The following IQUB variants were observed in gnomAD, a reference collection of about 807,000 sequenced individuals.
IQUB encodes the protein IQ motif and ubiquitin domain containing, also known as IQ motif and ubiquitin-like domain-containing protein.
Under a neutral mutation model 86.4 loss-of-function variants are expected in IQUB, and 86 were observed. That is an observed-to-expected ratio of 1.00 (90% confidence interval 0.84 to 1.19). IQUB has a LOEUF of 1.19. IQUB is among the 50% of genes most tolerant of loss of function. The probability of loss-of-function intolerance (pLI) is 0.00; values close to 1 mark genes in which losing one functional copy is unlikely to be tolerated. For missense variants in IQUB, 946 were observed against 916.9 expected, an observed-to-expected ratio of 1.03 and a Z score of -0.41; for synonymous variants, 289 against 304.5, an observed-to-expected ratio of 0.95 and a Z score of 0.53.
chr7:123,522,652 T>C (rs1796959935), intron 1 of IQUB, among the ~76,000 whole-genome samples: 1 of 152,212 alleles, frequency 6.6e-6, no homozygotes, highest in African/African-American at 2.4e-5. Context: ...TATACATTAA[T>C]AATGACTCCT....
At chr7:123,516,240 A>G (rs2117288478) in intron 1 of IQUB, among the ~76,000 whole-genome samples, 1 of 152,338 alleles carries the variant, frequency 6.6e-6, no homozygotes, top group African/African-American at 2.4e-5. Flanking sequence ...TAAGGTCAGT[A>G]GTATAGGAAA....
In IQUB at chr7:123,479,891, C is replaced by T. The variant is rs112358668; in HGVS notation, c.1314G>A (p.Leu438=). The T allele has an allele frequency of 6.2e-7, 1 of 1,612,862 alleles. No individual in the cohort carries two copies. The highest frequency in any genetic ancestry group is 8.5e-7 in the Non-Finnish European group (1 of 1,179,358). The change falls in exon 8 of 13, where the codon CTG becomes CTA. Residue 438 remains leucine (L), a synonymous_variant. Transcript: ENST00000324698. ...AAGCAATTATCTGAGTCTCTTTTTC[C>T]AGAAGTTCACACAGAGCAGCTTTCC... ...AERKAALCEL[L]EKETQIIASI...
At chr7:123,454,196 A>G (rs1269405410) in intron 12 of IQUB, among the ~76,000 whole-genome samples, 1 of 152,144 alleles carries the variant, frequency 6.6e-6, no homozygotes, top group Admixed American at 6.6e-5. Flanking sequence ...TTCTTAGCCC[A>G]TATTTCATTC....
At chr7:123,519,072 AT>A (rs1254067461) in intron 1 of IQUB, among the ~76,000 whole-genome samples, 14 of 152,164 alleles carry the variant, frequency 9.2e-5, no homozygotes, top group Non-Finnish European at 1.8e-4. Context: ...CTCAACATCA[AT>A]AATAATCAGA....
intron 1 of IQUB, among the ~76,000 whole-genome samples, chr7:123,523,959 G>A (rs1443140021): frequency 3.3e-5 from 5 of 151,912 alleles, no homozygotes; most frequent in Non-Finnish European, 5.9e-5. Context: ...ATTAAATAGG[G>A]AATCCTTTCC....
intron 9 of IQUB, among the ~76,000 whole-genome samples, chr7:123,468,802 C>G (rs1407891302): frequency 6.6e-6 from 1 of 152,114 alleles, no homozygotes; most frequent in African/African-American, 2.4e-5. Flanking sequence ...CTGTGACATC[C>G]ACTAACTTTG....
At chr7:123,516,477 G>A (rs1048882603) in intron 1 of IQUB, among the ~76,000 whole-genome samples, 4 of 151,968 alleles carry the variant, frequency 2.6e-5, no homozygotes, top group African/African-American at 9.7e-5. Flanking sequence ...TAATAAAGAA[G>A]CCAAATCAAA....
chr7:123,465,335 T>C (rs916998847), intron 9 of IQUB, among the ~76,000 whole-genome samples: 2 of 151,914 alleles, frequency 1.3e-5, no homozygotes, highest in African/African-American at 2.4e-5. Context: ...TTTAAAGATT[T>C]ATACAGAGGT....
chr7:123,522,055 T>C (rs1796930601), intron 1 of IQUB, among the ~76,000 whole-genome samples: 1 of 152,070 alleles, frequency 6.6e-6, no homozygotes, highest in Non-Finnish European at 1.5e-5. Context: ...TGTCCCTACA[T>C]GTTCCTGTGG....
chr7:123,533,634 CAG>C (rs1375345309), intron 1 of IQUB, among the ~76,000 whole-genome samples: 11 of 152,138 alleles, frequency 7.2e-5, no homozygotes, highest in African/African-American at 2.7e-4. Flanking sequence ...ATAAATGAGA[CAG>C]ATCTGTAAAT....
chr7:123,502,624 T>C lies in IQUB; in HGVS notation c.996A>G (p.Ala332=), dbSNP rs115054306. 5 of 1,612,316 alleles carry C rather than the reference T, an allele frequency of 3.1e-6. No homozygotes were observed. In the African/African-American group the frequency reaches 5.3e-5, roughly 17 times the overall value. Residue 332 remains alanine, a synonymous_variant, in exon 6 of 13, where the codon GCA becomes GCG. Coordinates refer to ENST00000324698, the MANE Select transcript of IQUB (RefSeq NM_178827.5). The part of the protein sequence containing the change: ...LVTPGKYFSA[A]EYHAQRLKAV... The stretch of plus-strand genomic sequence containing the variant: ...CCTTTAGTCTTTGAGCATGGTATTC[T>C]GCTGCTGAAAAATACTTTCCTGGTG...
At position 123,502,720 on chromosome 7, in the gene IQUB, A is replaced by T. The variant is rs1796001166; in HGVS notation, c.900T>A (p.Thr300=). The T allele has an allele frequency of 1.2e-6, 2 of 1,603,708 alleles. No homozygotes were observed. Among genetic ancestry groups the T allele is most frequent in the African/African-American group, 1.3e-5 (1 of 74,258 alleles). ...TVFQKKNLQQ[T]TNTTSTQMTN... ...TCATCTGTGTGGATGTTGTATTTGTAGTTTGTTGGAGATTTTTTTTCTGAA... is the reference window on the plus strand; with the variant it reads ...TCATCTGTGTGGATGTTGTATTTGTTGTTTGTTGGAGATTTTTTTTCTGAA... The change falls in exon 6 of 13, where the codon ACT becomes ACA. Residue 300 remains threonine, a synonymous_variant. Coordinates refer to ENST00000324698, the MANE Select transcript of IQUB (RefSeq NM_178827.5).
intron 8 of IQUB, among the ~76,000 whole-genome samples, chr7:123,474,582 T>C (rs1368823393): frequency 6.6e-6 from 1 of 152,204 alleles, no homozygotes; most frequent in Non-Finnish European, 1.5e-5. Flanking sequence ...GTGATTTAAA[T>C]GATTCTGAAT....
intron 8 of IQUB, among the ~76,000 whole-genome samples, chr7:123,475,606 T>C (rs1006817616): frequency 4.6e-5 from 7 of 152,120 alleles, no homozygotes; most frequent in Admixed American, 4.6e-4. Flanking sequence ...AGAATAGATA[T>C]TGTGTAAGTA....
chr7:123,520,189 AGTT>A (rs1478784829), intron 1 of IQUB, among the ~76,000 whole-genome samples: 2 of 152,126 alleles, frequency 1.3e-5, no homozygotes, highest in Non-Finnish European at 2.9e-5. Flanking sequence ...TTACTAATTT[AGTT>A]GTTACTTGCC....
Position 123,452,286 on chromosome 7 carries a change from TA to T in IQUB, c.*456del, listed in dbSNP as rs1793456140. Reference sequence around the variant, plus strand: ...AGATTCAAATGCCTATACTAAAATATAAATTTTTTTATCCTACTTAAAGAAG... The same window carrying T: ...AGATTCAAATGCCTATACTAAAATATAATTTTTTTATCCTACTTAAAGAAG... On this transcript the variant is annotated 3_prime_UTR_variant, in exon 13 of 13. Coordinates refer to ENST00000324698, the MANE Select transcript of IQUB (RefSeq NM_178827.5). 1 of 152,240 alleles carries T rather than the reference TA, an allele frequency of 6.6e-6. No individual in the cohort carries two copies. Among genetic ancestry groups the T allele is most frequent in the African/African-American group, 2.4e-5 (1 of 41,454 alleles). The allele number at this position is 152,240 out of a possible 1,614,324, so 9.4% of individuals were successfully genotyped here. A position where few individuals can be genotyped will look rare whatever the true frequency, so the allele number is the denominator to read the frequency against.
intron 1 of IQUB, among the ~76,000 whole-genome samples, chr7:123,530,672 AT>A (rs377272603): frequency 1.4e-3 from 139 of 99,464 alleles, no homozygotes; most frequent in East Asian, 6.3e-3. Flanking sequence ...TTGCTCTTTG[AT>A]TTTTTTTTTT....
intron 3 of IQUB, among the ~76,000 whole-genome samples, chr7:123,507,724 T>C (rs1796244975): frequency 6.6e-6 from 1 of 151,898 alleles, no homozygotes; most frequent in Non-Finnish European, 1.5e-5. Context: ...AATGTAAAAA[T>C]TAGCCGGGTG....
At chr7:123,532,578 C>G (rs1454644120) in intron 1 of IQUB, 1 of 151,896 alleles carries the variant, frequency 6.6e-6, no homozygotes, top group Non-Finnish European at 1.5e-5. Context: ...ACAAAAAAGG[C>G]AAAAAGTCGG....
Sources: allele counts gnomAD v4.1 joint callset (sites outside exome capture counted in the v4.1 genomes callset), GRCh38; gene constraint gnomAD v4.1.1; transcripts MANE v1.5; gene names NCBI Gene and HGNC (gene_info 2026-07-23, HGNC 2026-07-21).